Variants in PCLO observed in about 807,000 individuals in gnomAD.
PCLO encodes the protein protein piccolo.
A neutral mutation model predicts 427.5 loss-of-function variants in PCLO; 82 were observed. The observed-to-expected ratio is 0.19, with a 90% confidence interval of 0.16 to 0.23. The LOEUF (loss-of-function observed/expected upper bound fraction) is 0.23, where lower values mean the gene tolerates loss of function less well. Ranked by LOEUF, PCLO falls within the 10% of genes least tolerant of loss-of-function variation. The probability of loss-of-function intolerance (pLI) is 1.00; values close to 1 mark genes in which losing one functional copy is unlikely to be tolerated. For missense variants in PCLO, 6,239 were observed against 6,115.9 expected, an observed-to-expected ratio of 1.02 and a Z score of -0.67; for synonymous variants, 2,357 against 2,155.4, an observed-to-expected ratio of 1.09 and a Z score of -2.59.
intron 3 of PCLO, among the ~76,000 whole-genome samples, chr7:83,047,903 C>CCA (rs912756591): frequency 1.3e-5 from 2 of 151,890 alleles, no homozygotes; most frequent in African/African-American, 4.8e-5. Flanking sequence ...CACACACCCC[C>CCA]ACACCCACCT....
intron 22 of PCLO, among the ~76,000 whole-genome samples, chr7:82,764,513 C>T (rs536846834): frequency 2.0e-5 from 3 of 151,864 alleles, no homozygotes; most frequent in Admixed American, 6.6e-5. Flanking sequence ...CAGATTGGCT[C>T]ACAAAGCAAA....
At chr7:82,801,862 T>C (rs1442465609) in intron 21 of PCLO, among the ~76,000 whole-genome samples, 1 of 152,128 alleles carries the variant, frequency 6.6e-6, no homozygotes, top group African/African-American at 2.4e-5. Context: ...TTTTTATTTG[T>C]AGACTATTTA....
Position 83,088,595 on chromosome 7 carries a change from AAC to A in PCLO, c.3300+45653_3300+45654del, listed in dbSNP as rs1368615093. Among the ~76,000 whole-genome samples the A allele has an allele frequency of 2.6e-5, 4 of 152,306 alleles. No homozygotes were observed. The South Asian group carries it at 8.3e-4, about 32-fold the overall frequency. On this transcript the variant is annotated intron_variant, in intron 3 of 24. Coordinates refer to ENST00000333891, the MANE Select transcript of PCLO (RefSeq NM_033026.6). ...GACTCCACTAGTATATTGCACAAGC[AAC>A]ATTACTCTGCAAGCCCCTCACTGAT...
intron 3 of PCLO, among the ~76,000 whole-genome samples, 198 bp from the exon 4 acceptor site, chr7:82,966,685 T>C (rs1015589146): frequency 6.6e-6 from 1 of 152,172 alleles, no homozygotes; most frequent in Non-Finnish European, 1.5e-5. Context: ...TAAAACTGTA[T>C]AGAATTTCTA....
chr7:82,948,081 C>A (rs1017001005), intron 6 of PCLO, among the ~76,000 whole-genome samples: 2 of 152,016 alleles, frequency 1.3e-5, no homozygotes, highest in South Asian at 2.1e-4. Context: ...CTAGGCCAAA[C>A]CTATAAAAAT....
rs71522632 is a variant in PCLO at position 82,848,304 on chromosome 7, G to GTTTTT, written c.13655-1062_13655-1058dup. On this transcript the variant is annotated intron_variant, in intron 10 of 24. Coordinates refer to ENST00000333891, the MANE Select transcript of PCLO (RefSeq NM_033026.6). Reference sequence around the variant, plus strand: ...AATTATGTTGTTGAACCATTAGTTAGTTTTTTTTTTTTTTTTTTTTTTTTT... The same window carrying GTTTTT: ...AATTATGTTGTTGAACCATTAGTTAGTTTTTTTTTTTTTTTTTTTTTTTTTTTTTT... Among the ~76,000 whole-genome samples the GTTTTT allele has an allele frequency of 7.1e-3, 592 of 83,876 alleles. 112 individuals are homozygous for GTTTTT. The highest frequency in any genetic ancestry group is 0.04 in the East Asian group (83 of 2,100). The allele number at this position is 83,876 out of a possible 152,430, so 55.0% of individuals were successfully genotyped here. A position where few individuals can be genotyped will look rare whatever the true frequency, so the allele number is the denominator to read the frequency against.
chr7:83,115,631 C>A (rs1791112953), intron 3 of PCLO, among the ~76,000 whole-genome samples: 1 of 151,816 alleles, frequency 6.6e-6, no homozygotes, highest in South Asian at 2.1e-4. Context: ...TCTCATAATT[C>A]AAAAAAATAC....
chr7:83,147,682 TATATA>T (rs1419585837), intron 2 of PCLO, among the ~76,000 whole-genome samples: 2 of 152,208 alleles, frequency 1.3e-5, no homozygotes, highest in African/African-American at 4.8e-5. Flanking sequence ...TTTAACCCTT[TATATA>T]ATATACTTGT....
At chr7:82,829,075 A>G (rs1038539965) in intron 16 of PCLO, among the ~76,000 whole-genome samples, 1 of 152,068 alleles carries the variant, frequency 6.6e-6, no homozygotes, top group African/African-American at 2.4e-5. Context: ...GATGCCTAGA[A>G]ATTTTCCCCA....
chr7:82,864,971 T>C (rs550346734), intron 10 of PCLO, among the ~76,000 whole-genome samples: 2 of 152,188 alleles, frequency 1.3e-5, no homozygotes, highest in Non-Finnish European at 2.9e-5. Flanking sequence ...AGTTTATTAA[T>C]GCAAACTGTC....
chr7:83,077,257 T>C (rs188204694), intron 3 of PCLO, among the ~76,000 whole-genome samples: 2 of 152,258 alleles, frequency 1.3e-5, no homozygotes, highest in South Asian at 4.1e-4. Context: ...GCTCTATTGT[T>C]ACCTCTTCTC....
chr7:82,819,393 T>C (rs1791742756), intron 20 of PCLO, among the ~76,000 whole-genome samples: 1 of 152,092 alleles, frequency 6.6e-6, no homozygotes, highest in South Asian at 2.1e-4. Context: ...TAAAATGTCA[T>C]ATAGAAACAC....
At chr7:83,003,145 A>G (rs569908567) in intron 3 of PCLO, among the ~76,000 whole-genome samples, 1 of 151,510 alleles carries the variant, frequency 6.6e-6, no homozygotes, top group African/African-American at 2.4e-5. Flanking sequence ...ATTAACATAT[A>G]CATAGATTAC....
At chr7:82,991,480 T>C (rs1008281374) in intron 3 of PCLO, among the ~76,000 whole-genome samples, 14 of 152,244 alleles carry the variant, frequency 9.2e-5, no homozygotes, top group African/African-American at 3.1e-4. Context: ...CCACTATTCC[T>C]TTTTACTATC....
chr7:82,866,352 T>G (rs1793092682), intron 10 of PCLO, among the ~76,000 whole-genome samples: 1 of 152,010 alleles, frequency 6.6e-6, no homozygotes, highest in Admixed American at 6.6e-5. Context: ...ATATGAGATA[T>G]ATTTAACATT....
intron 3 of PCLO, among the ~76,000 whole-genome samples, chr7:83,063,728 T>C (rs1053397468): frequency 6.6e-6 from 1 of 152,080 alleles, no homozygotes; most frequent in African/African-American, 2.4e-5. Flanking sequence ...ACTTCTCCTA[T>C]TGCCCTTTTT....
intron 3 of PCLO, among the ~76,000 whole-genome samples, chr7:83,059,354 T>TAAAAAAAA (rs1356917619): frequency 2.2e-5 from 2 of 90,428 alleles, no homozygotes; most frequent in African/African-American, 8.5e-5. Flanking sequence ...TATACACCTT[T>TAAAAAAAA]AAAATATATA....
At chr7:82,975,130 C>T (rs1324087975) in intron 3 of PCLO, among the ~76,000 whole-genome samples, 1 of 152,002 alleles carries the variant, frequency 6.6e-6, no homozygotes, top group Non-Finnish European at 1.5e-5. Flanking sequence ...TGAATAATTA[C>T]ATCAAAGCAA....
intron 3 of PCLO, among the ~76,000 whole-genome samples, chr7:83,067,975 G>GC (rs1382647277): frequency 6.8e-5 from 2 of 29,532 alleles, no homozygotes; most frequent in Non-Finnish European, 5.7e-5. Flanking sequence ...TGTTGCTGTT[G>GC]TTGTTTTAAG....
Sources: gnomAD v4.1 joint callset for allele counts (sites outside exome capture counted in the v4.1 genomes callset) on GRCh38, gnomAD v4.1.1 for gene constraint, MANE v1.5 for transcripts, NCBI Gene and HGNC (gene_info 2026-07-23, HGNC 2026-07-21) for gene names.